SLC35F4: variants seen among roughly 807,000 people sequenced by gnomAD.
SLC35F4 encodes chromosome 14 open reading frame 36.
SLC35F4 carries 24 observed loss-of-function variants against 44.2 expected under a neutral mutation model. The ratio of observed to expected loss-of-function variants is 0.54; its 90% confidence interval spans 0.39 to 0.76. The LOEUF is 0.76. SLC35F4 is among the 30% of genes least tolerant of loss of function. SLC35F4 has a pLI of 0.00. For missense variants in SLC35F4, 562 were observed against 586.1 expected (o/e 0.96, Z 0.42); for synonymous variants, 238 against 223.6 (o/e 1.06, Z -0.57).
rs147434412 is a variant in SLC35F4, at chr14:57,822,486, C to T, written c.103+43237G>A. Among the ~76,000 whole-genome samples the T allele has an allele frequency of 5.7e-3, 867 of 152,242 alleles. 7 individuals are homozygous for T. The highest frequency in any genetic ancestry group is 0.019 in the African/African-American group (791 of 41,552). ...GGTAAACTAGGTTATTCTCTACAGT[C>T]ACCTAAAAAATTCTGGTTGTTAGCC... On this transcript the variant is annotated intron_variant, in intron 1 of 7. Transcript: ENST00000556826.
At chr14:57,720,077 T>C (rs747316321) in intron 1 of SLC35F4, among the ~76,000 whole-genome samples, 44 of 152,242 alleles carry the variant, frequency 2.9e-4, no homozygotes, top group Admixed American at 6.5e-5. Context: ...CATATGGTTT[T>C]TATCCTTCAT....
chr14:57,590,207 AAG>A (rs1366487328), intron 2 of SLC35F4, among the ~76,000 whole-genome samples: 1 of 147,878 alleles, frequency 6.8e-6, no homozygotes, highest in Non-Finnish European at 1.5e-5. Flanking sequence ...TTGGCCAAGA[AAG>A]AGAGACCTTG....
intron 1 of SLC35F4, among the ~76,000 whole-genome samples, chr14:57,949,121 G>T (rs1163448246): frequency 6.6e-6 from 1 of 152,116 alleles, no homozygotes. Flanking sequence ...TGCTGTCAAT[G>T]AGATATTGAA....
chr14:57,941,098 A>T (rs956899693), intron 1 of SLC35F4, among the ~76,000 whole-genome samples: 1 of 152,176 alleles, frequency 6.6e-6, no homozygotes, highest in African/African-American at 2.4e-5. Context: ...ACTGGTGGGG[A>T]TGTATAATAA....
chr14:57,648,575 G>A (rs1240760647), intron 1 of SLC35F4, among the ~76,000 whole-genome samples: 2 of 152,146 alleles, frequency 1.3e-5, no homozygotes, highest in African/African-American at 4.8e-5. Context: ...ATAAGCTTGA[G>A]AGGCTTCTCT....
intron 1 of SLC35F4, among the ~76,000 whole-genome samples, chr14:57,925,400 T>G (rs1889537681): frequency 6.6e-6 from 1 of 151,814 alleles, no homozygotes; most frequent in South Asian, 2.1e-4. Flanking sequence ...TGGTATATTT[T>G]CTACATTTTG....
chr14:57,586,478 G>T (rs1221216387), intron 3 of SLC35F4, among the ~76,000 whole-genome samples: 1 of 152,048 alleles, frequency 6.6e-6, no homozygotes, highest in Non-Finnish European at 1.5e-5. Flanking sequence ...AGCACTTTGG[G>T]AGGCCAAGGT....
intron 1 of SLC35F4, among the ~76,000 whole-genome samples, chr14:57,764,019 CT>C (rs2077182161): frequency 6.6e-6 from 1 of 152,118 alleles, no homozygotes. Context: ...TTGGGATGCT[CT>C]TTTTTAGAAT....
chr14:57,839,437 T>A (rs148006335), intron 1 of SLC35F4, among the ~76,000 whole-genome samples: 1 of 152,186 alleles, frequency 6.6e-6, no homozygotes, highest in East Asian at 1.9e-4. Context: ...TGCAGAGACA[T>A]AGATGGAGCT....
intron 1 of SLC35F4, among the ~76,000 whole-genome samples, chr14:57,961,919 C>CG (rs1890346779): frequency 6.6e-6 from 1 of 152,168 alleles, no homozygotes; most frequent in Non-Finnish European, 1.5e-5. Context: ...GTGTGAGTAT[C>CG]TGTTTTACAA....
chr14:57,940,580 A>G (rs1889899538), intron 1 of SLC35F4, among the ~76,000 whole-genome samples: 1 of 152,178 alleles, frequency 6.6e-6, no homozygotes, highest in Non-Finnish European at 1.5e-5. Flanking sequence ...GAGCAGCACA[A>G]ATCATTCATT....
At chr14:57,778,797 T>C (rs953945943) in intron 1 of SLC35F4, among the ~76,000 whole-genome samples, 3 of 150,712 alleles carry the variant, frequency 2.0e-5, no homozygotes, top group African/African-American at 4.9e-5. Flanking sequence ...GCAATAAAAA[T>C]AGAAATCAAA....
At chr14:57,907,667 C>T (rs989208850) in intron 1 of SLC35F4, among the ~76,000 whole-genome samples, 2 of 152,040 alleles carry the variant, frequency 1.3e-5, no homozygotes, top group Non-Finnish European at 2.9e-5. Context: ...TCTTTGGACA[C>T]TGTTAAGCCA....
intron 1 of SLC35F4, among the ~76,000 whole-genome samples, chr14:57,926,564 A>G (rs1889574396): frequency 6.6e-6 from 1 of 151,896 alleles, no homozygotes; most frequent in African/African-American, 2.4e-5. Context: ...GTTGGGGGGG[A>G]ATTTATATGT....
At chr14:57,621,487 A>G (rs1253848295) in intron 1 of SLC35F4, among the ~76,000 whole-genome samples, 2 of 152,128 alleles carry the variant, frequency 1.3e-5, no homozygotes, top group African/African-American at 2.4e-5. Context: ...TCAATGGAAC[A>G]GAACAGAGCC....
At chr14:57,707,962 T>A (rs958914704) in intron 1 of SLC35F4, among the ~76,000 whole-genome samples, 2 of 152,188 alleles carry the variant, frequency 1.3e-5, no homozygotes, top group Admixed American at 6.5e-5. Flanking sequence ...TAACAGCCCT[T>A]TCCCAAAAAT....
At position 57,656,106 on chromosome 14, in the gene SLC35F4, G is replaced by A. The variant is rs139996926; in HGVS notation, c.104-61982C>T. On this transcript the variant is annotated intron_variant, in intron 1 of 7. Transcript: ENST00000556826. ...GCACATCCCAGCACAGACTGCCCTC[G>A]GCTCTGCTCCATCTCTTCCCTACCT... Among the ~76,000 whole-genome samples, 690 of 151,962 alleles carry A rather than the reference G, an allele frequency of 4.5e-3. 4 individuals carry two copies. The highest frequency in any genetic ancestry group is 8.3e-3 in the Admixed American group (126 of 15,250).
chr14:57,958,105 C>G (rs9989143), intron 1 of SLC35F4, among the ~76,000 whole-genome samples: 72,965 of 151,378 alleles, frequency 0.48, 18,992 homozygotes, highest in East Asian at 0.78. Context: ...GCCCAGGCTG[C>G]AGTGCAGTGG....
At chr14:57,796,233 G>T (rs2078051088) in intron 1 of SLC35F4, among the ~76,000 whole-genome samples, 1 of 152,124 alleles carries the variant, frequency 6.6e-6, no homozygotes, top group Non-Finnish European at 1.5e-5. Context: ...CTCTGTCATT[G>T]TGAATAGTGC....
Sources: allele counts gnomAD v4.1 joint callset (sites outside exome capture counted in the v4.1 genomes callset), GRCh38; gene constraint gnomAD v4.1.1; transcripts MANE v1.5; gene names NCBI Gene and HGNC (gene_info 2026-07-23, HGNC 2026-07-21).